Variants in TCERG1 observed in about 807,000 individuals in gnomAD.
The protein encoded by TCERG1 is TATA box binding protein (TBP)-associated factor, RNA polymerase II, S, 150kD.
Under a neutral mutation model 144.7 loss-of-function variants are expected in TCERG1, and 37 were observed. That is an observed-to-expected ratio of 0.26 (90% CI 0.20 to 0.34). The LOEUF (loss-of-function observed/expected upper bound fraction) is 0.34, where lower values mean the gene tolerates loss of function less well. TCERG1 is among the 10% of genes least tolerant of loss of function. The pLI, the probability that TCERG1 is intolerant of heterozygous loss-of-function variation, is 1.00. For missense variants in TCERG1, 1,027 were observed against 1,380.7 expected (o/e 0.74, Z 4.06); for synonymous variants, 492 against 458.2 (o/e 1.07, Z -0.94).
intron 3 of TCERG1, among the ~76,000 whole-genome samples, chr5:146,458,529 G>A (rs182399966): frequency 3.3e-5 from 5 of 151,954 alleles, no homozygotes; most frequent in African/African-American, 1.2e-4. Context: ...CTGGAGTGCA[G>A]TGGTATGATC....
At chr5:146,504,177 A>G in intron 19 of TCERG1, 171 bp downstream of exon 19, 1 of 601,432 alleles carries the variant, frequency 1.7e-6, no homozygotes, top group Non-Finnish European at 2.5e-6. Flanking sequence ...ATAGGAAAAA[A>G]CCCAAGTTAT....
In TCERG1 at chr5:146,507,861, G is replaced by A; in HGVS notation, c.2962-12G>A. 1 of 1,588,548 alleles carries A rather than the reference G, an allele frequency of 6.3e-7. No individual in the cohort carries two copies. The highest frequency in any genetic ancestry group is 8.6e-7 in the Non-Finnish European group (1 of 1,161,662). ...AGTTGTATTTATGTTTTTTATTCATGTCTTTTCAAAGATTACCTTAACATC... is the reference window on the plus strand; with the variant it reads ...AGTTGTATTTATGTTTTTTATTCATATCTTTTCAAAGATTACCTTAACATC... On this transcript the variant is annotated splice_polypyrimidine_tract_variant and intron_variant, in intron 20 of 22. Coordinates refer to ENST00000679501, the MANE Select transcript of TCERG1 (RefSeq NM_001382548.1). The surrounding 1 kb of genome is among the most constrained non-coding windows in gnomAD (Gnocchi z 4.6).
At chr5:146,504,336 C>A (rs1767750189) in intron 19 of TCERG1, 1 of 183,542 alleles carries the variant, frequency 5.4e-6, no homozygotes, top group Non-Finnish European at 1.1e-5. Flanking sequence ...GTGCTGAACA[C>A]AATTTAACCT....
intron 15 of TCERG1, among the ~76,000 whole-genome samples, chr5:146,492,060 A>G (rs910345401): frequency 2.0e-5 from 3 of 152,230 alleles, no homozygotes; most frequent in African/African-American, 7.2e-5. Flanking sequence ...TGCCTTTTAC[A>G]TTCAGAAGTG....
chr5:146,456,874 A>G (rs996739553), intron 2 of TCERG1, among the ~76,000 whole-genome samples: 3 of 152,218 alleles, frequency 2.0e-5, no homozygotes, highest in African/African-American at 4.8e-5. Context: ...AACAGGATAT[A>G]AAAATCAATT....
intron 9 of TCERG1, among the ~76,000 whole-genome samples, 166 bp downstream of exon 9, chr5:146,471,742 GCA>G (rs1764330241): frequency 6.6e-6 from 1 of 152,030 alleles, no homozygotes; most frequent in South Asian, 2.1e-4. Context: ...GGGACTACAG[GCA>G]CACGCCACCA....
chr5:146,458,895 T>C lies in TCERG1; in HGVS notation c.450T>C (p.Tyr150=). ...TGCTTCCGCTGCAGGTTTATTATTA[T>C]AATGCTCGGACACGTGAATCTGCAT... The part of the protein sequence containing the change: ...NKTPDGKVYY[Y]NARTRESAWT... The change falls in exon 4 of 23, where the codon TAT becomes TAC. Residue 150 remains tyrosine, a synonymous_variant. Transcript: ENST00000679501. 6.2e-7 allele frequency: 1 copy of C among 1,603,942 alleles called. No homozygotes were observed. The highest frequency in any genetic ancestry group is 8.5e-7 in the Non-Finnish European group (1 of 1,174,084).
In TCERG1 at chr5:146,504,341, T is replaced by C. The variant is rs113579731; in HGVS notation, c.2781+335T>C. 149 of 177,394 alleles carry C rather than the reference T, an allele frequency of 8.4e-4. 1 individual carries two copies. Among genetic ancestry groups the C allele is most frequent in the African/African-American group, 3.4e-3 (145 of 42,648 alleles). The allele number at this position is 177,394 out of a possible 1,614,324, so 11.0% of individuals were successfully genotyped here. On this transcript the variant is annotated intron_variant, in intron 19 of 22. Transcript: ENST00000679501. ...TAAACAAAACGTGCTGAACACAATT[T>C]AACCTTTTCGTTGATGATTTAGGGC...
chr5:146,480,874 A>G (rs1288163842), intron 12 of TCERG1, among the ~76,000 whole-genome samples: 1 of 152,094 alleles, frequency 6.6e-6, no homozygotes, highest in African/African-American at 2.4e-5. Flanking sequence ...CTCATAATTT[A>G]TCAGCGTAAC....
chr5:146,490,579 T>C (rs1235172746), intron 15 of TCERG1, among the ~76,000 whole-genome samples: 2 of 152,238 alleles, frequency 1.3e-5, no homozygotes, highest in Non-Finnish European at 2.9e-5. Flanking sequence ...TCTATAAGTA[T>C]GTAGCTCTCT....
intron 12 of TCERG1, among the ~76,000 whole-genome samples, chr5:146,480,825 T>G (rs962720117): frequency 2.0e-5 from 3 of 152,096 alleles, no homozygotes; most frequent in South Asian, 2.1e-4. Flanking sequence ...TAAAAAAAAT[T>G]TCTTTATTGG....
intron 17 of TCERG1, 81 bp from the exon 18 acceptor site, chr5:146,503,294 A>T: frequency 1.5e-6 from 2 of 1,359,882 alleles, no homozygotes; most frequent in Non-Finnish European, 2.0e-6. Flanking sequence ...CTTTTTTTCT[A>T]GTTGTAAATA....
intron 15 of TCERG1, among the ~76,000 whole-genome samples, chr5:146,487,845 AAAATATGC>A (rs1344148608): frequency 1.3e-5 from 2 of 152,338 alleles, no homozygotes; most frequent in African/African-American, 4.8e-5. Context: ...ACCAGACTTC[AAAATATGC>A]TAGAGAGCTG....
At chr5:146,455,013 T>C in intron 1 of TCERG1, 43 bp from the exon 2 acceptor site, 1 of 1,603,228 alleles carries the variant, frequency 6.2e-7, no homozygotes, top group Non-Finnish European at 8.5e-7. Flanking sequence ...TACATTTTTG[T>C]AATTTTAAGA....
chr5:146,474,859 G>C (rs1336273812), intron 9 of TCERG1, among the ~76,000 whole-genome samples: 2 of 152,168 alleles, frequency 1.3e-5, no homozygotes, highest in Admixed American at 1.3e-4. Flanking sequence ...ACTACAGCAT[G>C]ATGTAAATAT....
intron 1 of TCERG1, among the ~76,000 whole-genome samples, chr5:146,453,457 A>G (rs1762533917): frequency 2.0e-5 from 3 of 152,210 alleles, no homozygotes; most frequent in Admixed American, 1.3e-4. Flanking sequence ...TTACCCTTCA[A>G]TACTTCAGTA....
In TCERG1 at chr5:146,469,754, G is replaced by T; in HGVS notation, c.1399+10G>T. 6.5e-7 allele frequency: 1 copy of T among 1,544,610 alleles called. No homozygotes were observed. The highest frequency in any genetic ancestry group is 1.3e-5 in the South Asian group (1 of 79,032). ...GAACTAAAGGAAAAAGGTATATAGT[G>T]GTTTTAATGACTTGGAAAGTAGTAT... On this transcript the variant is annotated intron_variant, in intron 7 of 22. Transcript: ENST00000679501.
intron 1 of TCERG1, among the ~76,000 whole-genome samples, chr5:146,451,506 A>G (rs1187581652): frequency 2.6e-5 from 4 of 151,622 alleles, no homozygotes; most frequent in African/African-American, 9.7e-5. Flanking sequence ...TATTTTTAGT[A>G]GAGTGGGGGT....
intron 16 of TCERG1, among the ~76,000 whole-genome samples, chr5:146,496,769 C>A (rs1766939551): frequency 6.6e-6 from 1 of 151,610 alleles, no homozygotes; most frequent in Admixed American, 6.6e-5. Context: ...CCTCAGATTC[C>A]TGGGCTTAAG....
Sources: allele counts gnomAD v4.1 joint callset (sites outside exome capture counted in the v4.1 genomes callset), GRCh38; gene constraint gnomAD v4.1.1; non-coding constraint Gnocchi (gnomAD v3.1); transcripts MANE v1.5; gene names NCBI Gene and HGNC (gene_info 2026-07-23, HGNC 2026-07-21).